PUM3: variants seen among roughly 807,000 people sequenced by gnomAD.
PUM3 encodes the protein pumilio RNA binding family member 3.
In PUM3, 91 loss-of-function variants were observed where a neutral mutation model predicts 84.0. The observed-to-expected ratio is 1.08, with a 90% confidence interval of 0.91 to 1.29. The LOEUF (loss-of-function observed/expected upper bound fraction) is 1.29. Among genes scored for constraint, PUM3 ranks in the 50% most tolerant of loss-of-function variants. PUM3 has a pLI of 0.00. For synonymous variants in PUM3, 321 were observed against 266.7 expected, an observed-to-expected ratio of 1.20 and a Z score of -1.98; for missense variants, 1,067 against 767.5, an observed-to-expected ratio of 1.39 and a Z score of -4.61.
At position 2,837,218 on chromosome 9, in the gene PUM3, T is replaced by G. The variant is rs112185565; in HGVS notation, c.266A>C (p.Asn89Thr). 1.2e-6 allele frequency: 2 copies of G among 1,614,188 alleles called. No homozygotes were observed. Among genetic ancestry groups the G allele is most frequent in the South Asian group, 2.2e-5 (2 of 91,084 alleles). ...ATCTGGCTGGAATTTTCTCTTCTTG[T>G]TGAATTTATTTGCCGGCTGGAATTT... ...KNKFQPANKF[N>T]KKRKFQPDGR... The change falls in exon 3 of 18, where the codon AAC becomes ACC. Residue 89 changes from asparagine (N) to threonine (T), a missense_variant. By Grantham distance (65) the Asn-to-Thr change is moderately conservative. Coordinates refer to ENST00000397885, the MANE Select transcript of PUM3 (RefSeq NM_014878.5).
chr9:2,833,596 A>C (rs1816042802), intron 4 of PUM3, among the ~76,000 whole-genome samples, 164 bp from the exon 5 acceptor site: 1 of 152,228 alleles, frequency 6.6e-6, no homozygotes, highest in Non-Finnish European at 1.5e-5. Context: ...GCAGCCAGAC[A>C]AAAGTAATTT....
At chr9:2,829,726 G>A (rs1266169261) in intron 8 of PUM3, 48 bp downstream of exon 8, 1 of 1,509,230 alleles carries the variant, frequency 6.6e-7, no homozygotes, top group African/African-American at 1.4e-5. Context: ...TTAAGGAAGA[G>A]CATATCGAAA....
chr9:2,824,764 C>T lies in PUM3; in HGVS notation c.1087G>A (p.Asp363Asn), dbSNP rs143370878. 346 of 1,589,292 alleles carry T rather than the reference C, an allele frequency of 2.2e-4. 1 individual carries two copies. The highest frequency in any genetic ancestry group is 2.8e-4 in the Non-Finnish European group (325 of 1,164,408). Reference sequence around the variant, plus strand: ...CAGTGCATGGCCACTCTGGCGCCATCGTGTGTGTGTGCCAGGTAGACCACC... The same window carrying T: ...CAGTGCATGGCCACTCTGGCGCCATTGTGTGTGTGTGCCAGGTAGACCACC... ...EAVVYLAHTH[D>N]GARVAMHCLW... is the part of the protein sequence containing the mutation. Residue 363 changes from aspartate to asparagine, a missense_variant, in exon 11 of 18, where the codon GAT becomes AAT. Asp to Asn is a conservative substitution (Grantham distance 23, BLOSUM62 1). Coordinates refer to ENST00000397885, the MANE Select transcript of PUM3 (RefSeq NM_014878.5).
intron 13 of PUM3, among the ~76,000 whole-genome samples, chr9:2,814,535 G>A (rs1436963807): frequency 6.6e-6 from 1 of 152,148 alleles, no homozygotes; most frequent in Non-Finnish European, 1.5e-5. Flanking sequence ...TGATAATGAA[G>A]TGTTTAGTGC....
In PUM3 at chr9:2,822,407, T is replaced by G. The variant is rs973551372; in HGVS notation, c.1188+1374A>C. ...GAATATATCCAGAAACCCCCAATATTTGGAAATTAATAATTCCAAATAATC... is the reference window on the plus strand; with the variant it reads ...GAATATATCCAGAAACCCCCAATATGTGGAAATTAATAATTCCAAATAATC... On this transcript the variant is annotated intron_variant, in intron 12 of 17. Transcript: ENST00000397885. Among the ~76,000 whole-genome samples the G allele has an allele frequency of 1.6e-4, 24 of 151,950 alleles. 2 individuals are homozygous for G. The highest frequency in any genetic ancestry group is 1.4e-3 in the Admixed American group (22 of 15,248).
At chr9:2,837,530 A>G in intron 2 of PUM3, 129 bp from the exon 3 acceptor site, 1 of 628,840 alleles carries the variant, frequency 1.6e-6, no homozygotes, top group South Asian at 2.1e-5. Context: ...AATATGCAAC[A>G]TATAGCCTTT....
intron 13 of PUM3, among the ~76,000 whole-genome samples, chr9:2,817,408 A>G (rs940471515): frequency 3.3e-5 from 5 of 152,226 alleles, no homozygotes; most frequent in African/African-American, 9.6e-5. Context: ...AAAATGCACA[A>G]GAATACATGA....
rs543884182 is a variant in PUM3, at chr9:2,826,821, ACT to A, written c.1035+250_1035+251del. On this transcript the variant is annotated intron_variant, in intron 10 of 17. Transcript: ENST00000397885. ...TTTCAGATTAGGTTAGCCAGCGGAT[ACT>A]CTCTGGATTATAATTAAGATATAAA... 5.1e-3 allele frequency among the ~76,000 whole-genome samples: 774 copies of A among 152,248 alleles called. 3 individuals are homozygous for A. The highest frequency in any genetic ancestry group is 0.012 in the Admixed American group (184 of 15,276).
intron 3 of PUM3, among the ~76,000 whole-genome samples, chr9:2,835,227 A>G (rs1406695649): frequency 6.6e-6 from 1 of 152,130 alleles, no homozygotes; most frequent in East Asian, 1.9e-4. Flanking sequence ...AGCCTGGGCG[A>G]AATAGTGAGA....
chr9:2,824,654 G>C, intron 11 of PUM3, 63 bp downstream of exon 11: 1 of 1,069,628 alleles, frequency 9.3e-7, no homozygotes, highest in Non-Finnish European at 1.3e-6. Context: ...GCTAAGTCAA[G>C]CCTGCAGATA....
intron 5 of PUM3, among the ~76,000 whole-genome samples, chr9:2,832,989 T>C (rs555196738): frequency 6.6e-6 from 1 of 152,328 alleles, no homozygotes; most frequent in East Asian, 1.9e-4. Flanking sequence ...AAGTAATATG[T>C]TCACATCACA....
chr9:2,832,507 T>A (rs1232190368), intron 5 of PUM3, among the ~76,000 whole-genome samples: 1 of 152,216 alleles, frequency 6.6e-6, no homozygotes, highest in East Asian at 1.9e-4. Context: ...TTATTGTTAT[T>A]GTTTAAAGGC....
intron 12 of PUM3, among the ~76,000 whole-genome samples, chr9:2,821,982 T>A (rs754967439): frequency 6.6e-6 from 1 of 152,134 alleles, no homozygotes; most frequent in South Asian, 2.1e-4. Flanking sequence ...ACCCATAATA[T>A]GAATTAAGTG....
In PUM3 at chr9:2,828,850, A is replaced by G. The variant is rs190166970; in HGVS notation, c.853-72T>C. The G allele has an allele frequency of 4.5e-4, 381 of 842,176 alleles. 2 individuals are homozygous for G. The highest frequency in any genetic ancestry group is 1.9e-3 in the South Asian group (132 of 69,038). The allele number at this position is 842,176 out of a possible 1,614,324, so 52.2% of individuals were successfully genotyped here. ...TTTCACTTCAGGAAAAAGAAAAGTA[A>G]TTAGTCATTTTAAAATAAGTTTTAA... On this transcript the variant is annotated intron_variant, in intron 8 of 17. Coordinates refer to ENST00000397885, the MANE Select transcript of PUM3 (RefSeq NM_014878.5).
chr9:2,812,460 G>C (rs1307663702), intron 13 of PUM3, 98 bp from the exon 14 acceptor site: 4 of 773,454 alleles, frequency 5.2e-6, no homozygotes, highest in East Asian at 5.4e-5. Flanking sequence ...ACTATGCTAA[G>C]CAAGGAACTG....
At chr9:2,806,941 G>A (rs190156089) in intron 17 of PUM3, among the ~76,000 whole-genome samples, 1 of 152,198 alleles carries the variant, frequency 6.6e-6, no homozygotes, top group Non-Finnish European at 1.5e-5. Flanking sequence ...GGGCACAGTG[G>A]CTCATGCCTG....
At chr9:2,835,962 T>A (rs764573236) in intron 3 of PUM3, among the ~76,000 whole-genome samples, 4 of 151,934 alleles carry the variant, frequency 2.6e-5, no homozygotes, top group Non-Finnish European at 5.9e-5. Context: ...AAAGAAAGAT[T>A]TGGGATCTAG....
chr9:2,826,992 A>T, intron 10 of PUM3, 81 bp downstream of exon 10: 1 of 1,040,196 alleles, frequency 9.6e-7, no homozygotes, highest in South Asian at 1.5e-5. Flanking sequence ...CCACAAGACA[A>T]CGTACATCAA....
intron 17 of PUM3, 100 bp from the exon 18 acceptor site, chr9:2,804,563 G>A: frequency 2.8e-6 from 3 of 1,084,392 alleles, no homozygotes; most frequent in Non-Finnish European, 3.9e-6. Context: ...TGTGACACAA[G>A]CCTTGTAACT....
Sources: allele counts gnomAD v4.1 joint callset (sites outside exome capture counted in the v4.1 genomes callset), GRCh38; gene constraint gnomAD v4.1.1; transcripts MANE v1.5; gene names NCBI Gene and HGNC (gene_info 2026-07-23, HGNC 2026-07-21).